POLG: variants seen among roughly 807,000 people sequenced by gnomAD.
The protein encoded by POLG is DNA polymerase subunit gamma-1.
Under a neutral mutation model 155.4 loss-of-function variants are expected in POLG, and 110 were observed. The observed-to-expected ratio is 0.71, with a 90% confidence interval of 0.61 to 0.83. POLG has a LOEUF of 0.83. Ranked by LOEUF, POLG falls within the 40% of genes least tolerant of loss-of-function variation. The probability of loss-of-function intolerance (pLI) is 0.00; values close to 1 mark genes in which losing one functional copy is unlikely to be tolerated. For missense variants in POLG, 1,685 were observed against 1,627.5 expected (o/e 1.04, Z -0.61); for synonymous variants, 701 against 631.5 (o/e 1.11, Z -1.65).
At position 89,328,823 on chromosome 15, in the gene POLG, G is replaced by C. The variant is rs2055557033; in HGVS notation, c.1032C>G (p.Ser344=). ...RKARRGPAIS[S]WDWLDISSVN... Reference sequence around the variant, plus strand: ...CACTGCTGATGTCCAGCCAGTCCCAGGATGAGATCTGGGGAACCAGAGCAA... The same window carrying C: ...CACTGCTGATGTCCAGCCAGTCCCACGATGAGATCTGGGGAACCAGAGCAA... The change falls in exon 5 of 23, where the codon TCC becomes TCG. Residue 344 remains serine (S), a synonymous_variant. Coordinates refer to ENST00000268124, the MANE Select transcript of POLG (RefSeq NM_002693.3). 6.2e-7 allele frequency: 1 copy of C among 1,614,012 alleles called. No individual in the cohort carries two copies. The highest frequency in any genetic ancestry group is 8.5e-7 in the Non-Finnish European group (1 of 1,180,048).
rs1156534099 is a variant in POLG, at chr15:89,325,469, C to T, written c.1930G>A (p.Gly644Arg). Residue 644 changes from glycine (G) to arginine (R), a missense_variant, in exon 10 of 23, where the codon GGG becomes AGG. By Grantham distance (125) the Gly-to-Arg change is moderately radical (BLOSUM62 -2). Around this residue, in one of 3 missense-constraint regions of POLG, gnomAD observed 1,210 missense variants for 1,167.1 expected, o/e 1.04. Transcript: ENST00000268124. ...CCTTACCTGTAGGGGCAGACCACCCCAGCTGACTCCAGGGTGGTACCTGTC... is the reference window on the plus strand; with the variant it reads ...CCTTACCTGTAGGGGCAGACCACCCTAGCTGACTCCAGGGTGGTACCTGTC... ...LPTGTTLESA[G>R]VVCPYRAIES... 1 of 1,603,344 alleles carries T rather than the reference C, an allele frequency of 6.2e-7. No individual in the cohort carries two copies.
chr15:89,332,996 G>A, intron 2 of POLG, 100 bp downstream of exon 2: 2 of 1,453,852 alleles, frequency 1.4e-6, no homozygotes, highest in Non-Finnish European at 1.8e-6. Context: ...CCCTACGTGA[G>A]CACCCAGCCC....
chr15:89,331,476 T>C (rs1445070953), intron 2 of POLG, among the ~76,000 whole-genome samples: 2 of 152,230 alleles, frequency 1.3e-5, no homozygotes, highest in South Asian at 4.1e-4. Context: ...TATAAACTAG[T>C]GATTAAAAAG....
In POLG at chr15:89,316,795, G is replaced by C; in HGVS notation, c.3676C>G (p.Leu1226Val). 6.2e-7 allele frequency: 1 copy of C among 1,613,950 alleles called. No homozygotes were observed. Residue 1226 changes from leucine to valine, a missense_variant, in exon 23 of 23, where the codon CTC (leucine) becomes GTC (valine). Leu to Val is a conservative substitution (Grantham distance 32). Around this residue, in one of 3 missense-constraint regions of POLG, gnomAD observed 470 missense variants for 439.9 expected, o/e 1.07. Coordinates refer to ENST00000268124, the MANE Select transcript of POLG (RefSeq NM_002693.3). ...CGTTTTTCCAAGGAGCCTTTGGTGA[G>C]TTCAATTATCTGGTAAATATCCAGC... The part of the protein sequence containing the change: ...EALDIYQIIE[L>V]TKGSLEKRSQ...
In POLG at chr15:89,324,798, A is replaced by G. The variant is rs559472141; in HGVS notation, c.1950-571T>C. ...TCATGGGACTCCTTGGGGAACAAAT[A>G]AGGGAAGCACTGCTTGGCCCATAAT... On this transcript the variant is annotated intron_variant, in intron 10 of 22. Coordinates refer to ENST00000268124, the MANE Select transcript of POLG (RefSeq NM_002693.3). 1.4e-4 allele frequency among the ~76,000 whole-genome samples: 21 copies of G among 152,370 alleles called. No individual in the cohort carries two copies. In the South Asian group the frequency reaches 2.5e-3, roughly 18 times the overall value.
At position 89,328,996 on chromosome 15, in the gene POLG, G is replaced by A. The variant is rs2307437; in HGVS notation, c.970C>T (p.Pro324Ser). 822 of 1,613,522 alleles carry A rather than the reference G, an allele frequency of 5.1e-4. No homozygotes were observed. Among genetic ancestry groups the A allele is most frequent in the Non-Finnish European group, 6.5e-4 (762 of 1,180,044 alleles). ...AAKQGKHKVQ[P>S]PTKQGQKSQR... is the part of the protein sequence containing the mutation. Reference sequence around the variant, plus strand: ...GACTTCTGGCCTTGCTTTGTGGGGGGCTGGACCTTGTGTTTGCCCTGCTTG... The same window carrying A: ...GACTTCTGGCCTTGCTTTGTGGGGGACTGGACCTTGTGTTTGCCCTGCTTG... Residue 324 changes from proline to serine, a missense_variant, in exon 4 of 23, where the codon CCC becomes TCC. Coordinates refer to ENST00000268124, the MANE Select transcript of POLG (RefSeq NM_002693.3).
intron 13 of POLG, 133 bp from the exon 14 acceptor site, chr15:89,323,035 T>C: frequency 3.3e-6 from 3 of 900,706 alleles, no homozygotes; most frequent in South Asian, 3.1e-5. Flanking sequence ...CCTGATTGTA[T>C]CACGCACGCG....
intron 21 of POLG, chr15:89,317,849 C>T (rs776634137): frequency 7.4e-6 from 3 of 404,814 alleles, no homozygotes; most frequent in Non-Finnish European, 1.4e-5. Flanking sequence ...TAAATGAGGA[C>T]TTTTAGCTTT....
rs772814334 is a variant in POLG at position 89,322,934 on chromosome 15, G to A, written c.2266-32C>T. Reference sequence around the variant, plus strand: ...AGAGCAAAGGAAGCAGGGGCTGGAGGCAGGTGGCAGACCCCTGGGTGGGGA... The same window carrying A: ...AGAGCAAAGGAAGCAGGGGCTGGAGACAGGTGGCAGACCCCTGGGTGGGGA... On this transcript the variant is annotated intron_variant, in intron 13 of 22. Transcript: ENST00000268124. The A allele has an allele frequency of 5.0e-6, 8 of 1,607,436 alleles. No individual in the cohort carries two copies. In the South Asian group the frequency reaches 7.7e-5, roughly 16 times the overall value.
Position 89,320,985 on chromosome 15 carries a change from A to C in POLG, c.2762T>G (p.Leu921Arg). 4 of 1,614,046 alleles carry C rather than the reference A, an allele frequency of 2.5e-6. No homozygotes were observed. The highest frequency in any genetic ancestry group is 3.4e-6 in the Non-Finnish European group (4 of 1,180,018). ...AGTGCCCCTGCTCTTCCTGCCCTGCAGTGTCATCCACCCAAAGGCTGTGCA... is the reference window on the plus strand; with the variant it reads ...AGTGCCCCTGCTCTTCCTGCCCTGCCGTGTCATCCACCCAAAGGCTGTGCA... ...HGCTAFGWMT[L>R]QGRKSRGTDL... Residue 921 changes from leucine to arginine, a missense_variant, in exon 18 of 23, where the codon CTG (leucine) becomes CGG (arginine). Around this residue, in one of 3 missense-constraint regions of POLG, gnomAD observed 470 missense variants for 439.9 expected, o/e 1.07. Transcript: ENST00000268124.
rs1248296408 is a variant in POLG, at chr15:89,334,735, C to A, written c.-222G>T. ...CGACCCCAGGCCCACGGCACGGCGT[C>A]CCCCTTCGCGCGGCCTACGCAGCCT... On this transcript the variant is annotated 5_prime_UTR_variant, in exon 1 of 23. Coordinates refer to ENST00000268124, the MANE Select transcript of POLG (RefSeq NM_002693.3). The A allele has an allele frequency of 6.6e-6, 1 of 152,338 alleles. No individual in the cohort carries two copies. Among genetic ancestry groups the A allele is most frequent in the East Asian group, 1.9e-4 (1 of 5,194 alleles). The allele number at this position is 152,338 out of a possible 1,614,324, so 9.4% of individuals were successfully genotyped here.
intron 22 of POLG, 156 bp downstream of exon 22, chr15:89,317,220 C>A: frequency 1.4e-6 from 1 of 689,854 alleles, no homozygotes; most frequent in South Asian, 1.7e-5. Flanking sequence ...CACATTCACT[C>A]TGGACACAGG....
intron 1 of POLG, chr15:89,334,235 T>G: frequency 4.7e-6 from 1 of 212,252 alleles, no homozygotes; most frequent in South Asian, 6.7e-5. Context: ...CCTTAGGCCC[T>G]GATATCCTAT....
Position 89,316,592 on chromosome 15 carries a change from C to G in POLG, c.*159G>C. 9.0e-7 allele frequency: 1 copy of G among 1,110,746 alleles called. No homozygotes were observed. 68.8% of individuals were successfully genotyped at this position (1,110,746 alleles called of 1,614,324 possible). ...CTGAACCCACTGAATTCAACTGCAC[C>G]TTCAGTTAGAAGGAATCTTCTTGGC... On this transcript the variant is annotated 3_prime_UTR_variant, in exon 23 of 23. Transcript: ENST00000268124.
rs55792683 is a variant in POLG, at chr15:89,321,300, C to A, written c.2599-40G>T. 3.2e-4 allele frequency: 510 copies of A among 1,610,092 alleles called. 7 individuals are homozygous for A. The East Asian group carries it at 0.01, about 33-fold the overall frequency. Reference sequence around the variant, plus strand: ...AGATACCCAAATGAGACTCTTCCTACCCCATTCCTGGAGCCAGAGTTGACT... The same window carrying A: ...AGATACCCAAATGAGACTCTTCCTAACCCATTCCTGGAGCCAGAGTTGACT... On this transcript the variant is annotated intron_variant, in intron 16 of 22. Coordinates refer to ENST00000268124, the MANE Select transcript of POLG (RefSeq NM_002693.3).
chr15:89,317,632 T>A, intron 21 of POLG, 96 bp from the exon 22 acceptor site: 4 of 1,231,566 alleles, frequency 3.2e-6, no homozygotes, highest in Non-Finnish European at 1.2e-6. Context: ...AGAGCAGGGC[T>A]TCCCCTGGAC....
At position 89,333,667 on chromosome 15, in the gene POLG, C is replaced by A; in HGVS notation, c.88G>T (p.Val30Phe). Residue 30 changes from valine (V) to phenylalanine (F), a missense_variant, in exon 2 of 23, where the codon GTC becomes TTC. Val to Phe is a conservative substitution (Grantham distance 50). Transcript: ENST00000268124. ...PAPGRWVSSS[V>F]PASDPSDGQR... ...CCGTCGCTGGGGTCGGACGCGGGGA[C>A]GGAGCTGGAGACCCAGCGCCCCGGA... 1 of 1,560,674 alleles carries A rather than the reference C, an allele frequency of 6.4e-7. No individual in the cohort carries two copies. Among genetic ancestry groups the A allele is most frequent in the Non-Finnish European group, 8.6e-7 (1 of 1,158,318 alleles).
intron 6 of POLG, 26 bp downstream of exon 6, chr15:89,328,430 A>C: frequency 6.3e-7 from 1 of 1,588,512 alleles, no homozygotes; most frequent in Non-Finnish European, 8.6e-7. Flanking sequence ...TGACCCCCAG[A>C]GATTCCCACA....
chr15:89,316,711 T>C lies in POLG; in HGVS notation c.*40A>G, dbSNP rs2055277929. On this transcript the variant is annotated 3_prime_UTR_variant, in exon 23 of 23. Transcript: ENST00000268124. ...AGTTTGGGAGCCTGCACCACCCCGATGAAGCTCCACGGGAGCAAATACAGA... is the reference window on the plus strand; with the variant it reads ...AGTTTGGGAGCCTGCACCACCCCGACGAAGCTCCACGGGAGCAAATACAGA... 4 of 1,529,162 alleles carry C rather than the reference T, an allele frequency of 2.6e-6. No homozygotes were observed. In the East Asian group the frequency reaches 9.0e-5, roughly 34 times the overall value. 94.7% of individuals were successfully genotyped at this position (1,529,162 alleles called of 1,614,324 possible).
Sources: allele counts gnomAD v4.1 joint callset (sites outside exome capture counted in the v4.1 genomes callset), GRCh38; gene constraint gnomAD v4.1.1; regional missense constraint gnomAD v4.1.1; transcripts MANE v1.5; gene names NCBI Gene and HGNC (gene_info 2026-07-23, HGNC 2026-07-21).